The following SGCZ variants were observed in gnomAD, a reference collection of about 807,000 sequenced individuals.
The protein encoded by SGCZ is zeta-sarcoglycan.
In SGCZ, 40 loss-of-function variants were observed where a neutral mutation model predicts 41.3. The ratio of observed to expected loss-of-function variants is 0.97; its 90% CI spans 0.75 to 1.26. The LOEUF (loss-of-function observed/expected upper bound fraction) is 1.26. SGCZ is among the 50% of genes most tolerant of loss of function. The pLI, the probability that SGCZ is intolerant of heterozygous loss-of-function variation, is 0.00. For missense variants in SGCZ, 552 were observed against 369.8 expected (o/e 1.49, Z -4.04); for synonymous variants, 206 against 137.5 (o/e 1.50, Z -3.49).
chr8:14,239,115 A>G (rs1374411733), intron 3 of SGCZ, among the ~76,000 whole-genome samples: 2 of 152,192 alleles, frequency 1.3e-5, no homozygotes, highest in East Asian at 1.9e-4. Flanking sequence ...ACATCATCCT[A>G]ATCAAGTGAT....
At chr8:14,919,374 G>T (rs1799525675) in intron 1 of SGCZ, among the ~76,000 whole-genome samples, 1 of 152,096 alleles carries the variant, frequency 6.6e-6, no homozygotes, top group South Asian at 2.1e-4. Context: ...CCGGGAGGCG[G>T]AGGTTACAGT....
chr8:14,392,003 G>C (rs1804793262), intron 2 of SGCZ, among the ~76,000 whole-genome samples: 1 of 152,044 alleles, frequency 6.6e-6, no homozygotes, highest in Non-Finnish European at 1.5e-5. Context: ...CCCATCTCCA[G>C]CAATGGGGAT....
At chr8:14,496,466 A>G (rs758393237) in intron 2 of SGCZ, among the ~76,000 whole-genome samples, 11 of 152,126 alleles carry the variant, frequency 7.2e-5, no homozygotes, top group Non-Finnish European at 1.6e-4. Context: ...CCATACACCC[A>G]TGGGAGTATT....
chr8:14,472,275 T>C (rs533020798), intron 2 of SGCZ, among the ~76,000 whole-genome samples: 2 of 152,142 alleles, frequency 1.3e-5, no homozygotes, highest in South Asian at 4.1e-4. Flanking sequence ...TAAAGGTAAA[T>C]AAGGTTTAAT....
At chr8:14,582,931 C>G (rs1244925126) in intron 1 of SGCZ, among the ~76,000 whole-genome samples, 1 of 151,828 alleles carries the variant, frequency 6.6e-6, no homozygotes, top group Non-Finnish European at 1.5e-5. Flanking sequence ...GGGTTGGTTC[C>G]AAGTCTTTGC....
rs1311374766 is a variant in SGCZ at position 14,993,463 on chromosome 8, C to A, written c.39+244122G>T. On this transcript the variant is annotated intron_variant, in intron 1 of 7. Transcript: ENST00000382080. ...ATATTCTGGTACTATCAAGATAGAC[C>A]ATAAATAAATAAATATATCATTTCA... 1.3e-4 allele frequency among the ~76,000 whole-genome samples: 20 copies of A among 151,766 alleles called. 1 individual carries two copies. The highest frequency in any genetic ancestry group is 1.3e-3 in the Admixed American group (20 of 15,244).
chr8:15,215,781 C>G (rs555729349), intron 1 of SGCZ, among the ~76,000 whole-genome samples: 3 of 152,110 alleles, frequency 2.0e-5, no homozygotes, highest in Non-Finnish European at 2.9e-5. Flanking sequence ...AATTAAAGTC[C>G]TATATGTTCT....
chr8:15,092,259 G>GT (rs1806180734), intron 1 of SGCZ, among the ~76,000 whole-genome samples: 1 of 152,120 alleles, frequency 6.6e-6, no homozygotes, highest in African/African-American at 2.4e-5. Flanking sequence ...GTTAAGTCTT[G>GT]TTTTTTCTGA....
chr8:14,498,782 A>T lies in SGCZ; in HGVS notation c.234+55950T>A, dbSNP rs184555648. 2.7e-4 allele frequency among the ~76,000 whole-genome samples: 41 copies of T among 152,206 alleles called. No individual in the cohort carries two copies. The East Asian group carries it at 7.3e-3, about 27-fold the overall frequency. On this transcript the variant is annotated intron_variant, in intron 2 of 7. Transcript: ENST00000382080. ...ATCCCTGTGGCTAAAAATTAAAAAC[A>T]TATATTTTAAATCTCCATATTATTG...
intron 3 of SGCZ, among the ~76,000 whole-genome samples, chr8:14,285,447 C>G (rs570680678): frequency 6.6e-6 from 1 of 152,210 alleles, no homozygotes; most frequent in Non-Finnish European, 1.5e-5. Flanking sequence ...ATCCAGAAAT[C>G]TGAAGCTTCT....
intron 2 of SGCZ, among the ~76,000 whole-genome samples, chr8:14,456,355 C>T (rs934287266): frequency 6.6e-6 from 1 of 152,026 alleles, no homozygotes; most frequent in Non-Finnish European, 1.5e-5. Context: ...TTGCAGAGAG[C>T]CAAGACTGCA....
At chr8:14,135,487 G>T (rs901889971) in intron 5 of SGCZ, among the ~76,000 whole-genome samples, 4 of 152,132 alleles carry the variant, frequency 2.6e-5, no homozygotes, top group African/African-American at 7.2e-5. Context: ...ATGAGTGAAT[G>T]ACTATCTTGA....
intron 1 of SGCZ, among the ~76,000 whole-genome samples, chr8:14,725,112 G>A (rs949737881): frequency 6.6e-6 from 1 of 152,074 alleles, no homozygotes; most frequent in African/African-American, 2.4e-5. Flanking sequence ...GTCTTTCTGT[G>A]CTTGGCTTAT....
Position 14,551,668 on chromosome 8 carries a change from T to C in SGCZ, c.234+3064A>G, listed in dbSNP as rs539509137. The stretch of plus-strand genomic sequence containing the variant: ...TAAAATATATATATGAAAGTATGTA[T>C]GTATGTATCTGCTCTCATAGCCAGG... On this transcript the variant is annotated intron_variant, in intron 2 of 7. Coordinates refer to ENST00000382080, the MANE Select transcript of SGCZ (RefSeq NM_139167.4). 2.9e-3 allele frequency among the ~76,000 whole-genome samples: 208 copies of C among 71,034 alleles called. 3 individuals carry two copies. The highest frequency in any genetic ancestry group is 3.5e-3 in the Non-Finnish European group (121 of 35,020). The allele number at this position is 71,034 out of a possible 152,430, so 46.6% of individuals were successfully genotyped here. A position where few individuals can be genotyped will look rare whatever the true frequency, so the allele number is the denominator to read the frequency against.
chr8:14,629,026 A>G (rs1806556105), intron 1 of SGCZ, among the ~76,000 whole-genome samples: 1 of 152,112 alleles, frequency 6.6e-6, no homozygotes, highest in Admixed American at 6.6e-5. Flanking sequence ...GCTGTGTTTA[A>G]TTTCCCTTAA....
Position 14,554,336 on chromosome 8 carries a change from G to T in SGCZ, c.234+396C>A, listed in dbSNP as rs1369390991. The stretch of plus-strand genomic sequence containing the variant: ...TATAAAGGTATATATGTTATATGAA[G>T]TAATTCAAAGGCACATATGATTTAT... On this transcript the variant is annotated intron_variant, in intron 2 of 7. Transcript: ENST00000382080. 2.6e-5 allele frequency among the ~76,000 whole-genome samples: 4 copies of T among 151,992 alleles called. No individual in the cohort carries two copies. The East Asian group carries it at 7.7e-4, about 29-fold the overall frequency.
intron 6 of SGCZ, 39 bp from the exon 7 acceptor site, chr8:14,102,538 AC>A (rs1802066053): frequency 5.2e-6 from 7 of 1,333,918 alleles, no homozygotes; most frequent in Non-Finnish European, 6.8e-6. Context: ...GGAAAAAAAA[AC>A]ACAAAAAAAT....
chr8:14,214,222 T>A (rs1250616454), intron 4 of SGCZ, among the ~76,000 whole-genome samples: 4 of 152,050 alleles, frequency 2.6e-5, no homozygotes, highest in East Asian at 3.9e-4. Context: ...CAAATCCCAA[T>A]CGAAGGGCAG....
chr8:14,875,548 A>G (rs917307757), intron 1 of SGCZ, among the ~76,000 whole-genome samples: 4 of 152,124 alleles, frequency 2.6e-5, no homozygotes, highest in Non-Finnish European at 4.4e-5. Flanking sequence ...GAACAATACG[A>G]AAAGCACGTG....
Sources: gnomAD v4.1 joint callset for allele counts (sites outside exome capture counted in the v4.1 genomes callset) on GRCh38, gnomAD v4.1.1 for gene constraint, MANE v1.5 for transcripts, NCBI Gene and HGNC (gene_info 2026-07-23, HGNC 2026-07-21) for gene names.